Variants in PLA2G4A observed in about 807,000 individuals in gnomAD.
PLA2G4A encodes the protein cytosolic phospholipase A2.
Under a neutral mutation model 81.9 loss-of-function variants are expected in PLA2G4A, and 40 were observed. The observed-to-expected ratio is 0.49, with a 90% confidence interval of 0.38 to 0.64. The LOEUF is 0.64. Ranked by LOEUF, PLA2G4A falls within the 30% of genes least tolerant of loss-of-function variation. The pLI, the probability that PLA2G4A is intolerant of heterozygous loss-of-function variation, is 0.00. For synonymous variants in PLA2G4A, 302 were observed against 296.9 expected, an observed-to-expected ratio of 1.02 and a Z score of -0.18; for missense variants, 715 against 905.1, an observed-to-expected ratio of 0.79 and a Z score of 2.69.
At chr1:186,862,170 A>G (rs1035920082) in intron 2 of PLA2G4A, among the ~76,000 whole-genome samples, 4 of 151,144 alleles carry the variant, frequency 2.6e-5, no homozygotes, top group Admixed American at 1.3e-4. Flanking sequence ...AAAATATAAG[A>G]GACTTTATTG....
chr1:186,958,433 A>T (rs1489916170), intron 14 of PLA2G4A, among the ~76,000 whole-genome samples: 2 of 152,156 alleles, frequency 1.3e-5, no homozygotes, highest in Non-Finnish European at 2.9e-5. Context: ...CTAGAAACGT[A>T]TGCTTTATAG....
chr1:186,885,978 T>A (rs528188528), intron 3 of PLA2G4A, among the ~76,000 whole-genome samples: 2 of 152,214 alleles, frequency 1.3e-5, no homozygotes, highest in Non-Finnish European at 2.9e-5. Context: ...GAAAATATAA[T>A]GGCTGGGTAT....
At chr1:186,976,217 T>A (rs115662135) in intron 15 of PLA2G4A, among the ~76,000 whole-genome samples, 209 of 152,300 alleles carry the variant, frequency 1.4e-3, no homozygotes, top group African/African-American at 4.8e-3. Context: ...TGGAACCTAG[T>A]CGACCACTAT....
At chr1:186,938,232 T>A (rs1324088689) in intron 8 of PLA2G4A, among the ~76,000 whole-genome samples, 1 of 151,850 alleles carries the variant, frequency 6.6e-6, no homozygotes, top group Non-Finnish European at 1.5e-5. Context: ...AAACGAGTAA[T>A]TAATAGTCAG....
intron 15 of PLA2G4A, among the ~76,000 whole-genome samples, chr1:186,970,082 T>C (rs912686984): frequency 3.9e-5 from 6 of 152,086 alleles, no homozygotes; most frequent in Non-Finnish European, 7.4e-5. Context: ...TGTTATTTCC[T>C]ATCTTTTGGA....
At chr1:186,938,154 A>G (rs1044892143) in intron 8 of PLA2G4A, among the ~76,000 whole-genome samples, 3 of 152,158 alleles carry the variant, frequency 2.0e-5, no homozygotes, top group African/African-American at 7.2e-5. Flanking sequence ...TGAGGCTAAA[A>G]AAGATGAATA....
chr1:186,917,035 G>C (rs930695217), intron 7 of PLA2G4A, among the ~76,000 whole-genome samples: 1 of 152,134 alleles, frequency 6.6e-6, no homozygotes. Flanking sequence ...TTGCCTTCCA[G>C]GTTTCAGCGG....
intron 5 of PLA2G4A, among the ~76,000 whole-genome samples, chr1:186,898,234 CTA>C (rs1250400196): frequency 6.6e-6 from 1 of 152,002 alleles, no homozygotes; most frequent in Non-Finnish European, 1.5e-5. Flanking sequence ...ATATAAGCCT[CTA>C]TTGTGCTCCT....
chr1:186,924,978 G>T (rs1655497929), intron 7 of PLA2G4A, among the ~76,000 whole-genome samples: 3 of 151,970 alleles, frequency 2.0e-5, no homozygotes, highest in Admixed American at 2.0e-4. Flanking sequence ...AACCCAGGAA[G>T]TAGAGGCTGC....
chr1:186,868,201 A>T (rs1038011016), intron 2 of PLA2G4A, among the ~76,000 whole-genome samples: 4 of 150,958 alleles, frequency 2.6e-5, no homozygotes, highest in Admixed American at 2.6e-4. Flanking sequence ...CAGCCTCCCA[A>T]GTAGCTGGGA....
At position 186,893,143 on chromosome 1, in the gene PLA2G4A, A is replaced by C; in HGVS notation, c.248A>C (p.Gln83Pro). 2 of 1,612,848 alleles carry C rather than the reference A, an allele frequency of 1.2e-6. No individual in the cohort carries two copies. The highest frequency in any genetic ancestry group is 1.7e-6 in the Non-Finnish European group (2 of 1,178,888). ...TTTGAATTTATTTTGGATCCTAATC[A>C]GGAAAATGTTTTGGAGGTAAGTGAA... ...ETFEFILDPN[Q>P]ENVLEITLMD... Residue 83 changes from glutamine to proline, a missense_variant, in exon 4 of 18, where the codon CAG becomes CCG. Gln to Pro is a moderately conservative substitution (Grantham distance 76). Transcript: ENST00000367466.
intron 3 of PLA2G4A, among the ~76,000 whole-genome samples, chr1:186,889,726 T>A (rs1358902180): frequency 6.6e-6 from 1 of 151,852 alleles, no homozygotes; most frequent in Non-Finnish European, 1.5e-5. Flanking sequence ...CAGAAACTAT[T>A]ATTTTTGCTT....
At chr1:186,934,443 C>CATATATATAT (rs71571011) in intron 8 of PLA2G4A, among the ~76,000 whole-genome samples, 24,260 of 99,102 alleles carry the variant, frequency 0.24, 3,691 homozygotes, top group Non-Finnish European at 0.3. Flanking sequence ...TAAATGTGCA[C>CATATATATAT]ATATATATAT....
chr1:186,832,611 A>G (rs569288211), intron 1 of PLA2G4A, among the ~76,000 whole-genome samples: 1 of 152,344 alleles, frequency 6.6e-6, no homozygotes, highest in East Asian at 1.9e-4. Context: ...CGAAAATAGT[A>G]TCTTGTTTAA....
chr1:186,860,496 C>G (rs1002451006), intron 2 of PLA2G4A, among the ~76,000 whole-genome samples: 1 of 152,144 alleles, frequency 6.6e-6, no homozygotes, highest in Non-Finnish European at 1.5e-5. Flanking sequence ...GGGCTCTCAA[C>G]AAATTGGGTG....
chr1:186,905,091 G>T (rs910712127), intron 5 of PLA2G4A, among the ~76,000 whole-genome samples: 1 of 152,164 alleles, frequency 6.6e-6, no homozygotes, highest in Non-Finnish European at 1.5e-5. Context: ...CTGACATCAG[G>T]TGATCCACCT....
chr1:186,946,307 T>G (rs1041139513), intron 10 of PLA2G4A, among the ~76,000 whole-genome samples: 2 of 152,136 alleles, frequency 1.3e-5, no homozygotes, highest in Admixed American at 1.3e-4. Flanking sequence ...GAAATTTATA[T>G]CTAGTTAGCA....
chr1:186,835,544 A>T (rs1651747979), intron 1 of PLA2G4A, among the ~76,000 whole-genome samples: 1 of 152,168 alleles, frequency 6.6e-6, no homozygotes, highest in African/African-American at 2.4e-5. Context: ...ATTTCTTAAT[A>T]TCCATTAGCC....
intron 4 of PLA2G4A, 56 bp from the exon 5 acceptor site, chr1:186,894,042 C>G: frequency 1.3e-6 from 1 of 786,858 alleles, no homozygotes. Context: ...TTATAGATGT[C>G]ATTTCCAAAG....
Sources: gnomAD v4.1 joint callset for allele counts (sites outside exome capture counted in the v4.1 genomes callset) on GRCh38, gnomAD v4.1.1 for gene constraint, MANE v1.5 for transcripts, NCBI Gene and HGNC (gene_info 2026-07-23, HGNC 2026-07-21) for gene names.